Variants in CSMD1 observed in about 807,000 individuals in gnomAD.
CSMD1 encodes the protein CUB and Sushi multiple domains 1.
CSMD1 carries 213 observed loss-of-function variants against 417.5 expected under a neutral mutation model. That is an observed-to-expected ratio of 0.51 (90% CI 0.46 to 0.57). CSMD1 has a LOEUF of 0.57. CSMD1 is among the 20% of genes least tolerant of loss of function. CSMD1 has a pLI of 0.00. For synonymous variants in CSMD1, 2,862 were observed against 1,736.8 expected, an observed-to-expected ratio of 1.65 and a Z score of -16.11; for missense variants, 6,923 against 4,529.7, an observed-to-expected ratio of 1.53 and a Z score of -15.17.
intron 6 of CSMD1, among the ~76,000 whole-genome samples, chr8:3,752,823 C>A (rs1247708948): frequency 2.0e-5 from 3 of 152,126 alleles, no homozygotes; most frequent in African/African-American, 4.8e-5. Flanking sequence ...TACTTCTCAG[C>A]ACCCTCTGCA....
At chr8:4,046,836 A>T (rs1798172301) in intron 3 of CSMD1, among the ~76,000 whole-genome samples, 1 of 152,144 alleles carries the variant, frequency 6.6e-6, no homozygotes, top group Non-Finnish European at 1.5e-5. Flanking sequence ...CAGGCACTTC[A>T]TGTATTATTT....
intron 4 of CSMD1, among the ~76,000 whole-genome samples, chr8:3,999,186 C>T (rs1399879023): frequency 6.6e-6 from 1 of 151,664 alleles, no homozygotes; most frequent in African/African-American, 2.4e-5. Flanking sequence ...TCCTCAAATA[C>T]TTCCTATCCA....
At chr8:4,778,498 C>T (rs1436672753) in intron 1 of CSMD1, among the ~76,000 whole-genome samples, 2 of 152,178 alleles carry the variant, frequency 1.3e-5, no homozygotes, top group Admixed American at 6.5e-5. Flanking sequence ...AAGCACTTTG[C>T]ACTGTAAGTG....
intron 9 of CSMD1, among the ~76,000 whole-genome samples, chr8:3,575,947 A>G (rs1307646721): frequency 2.0e-5 from 3 of 152,158 alleles, no homozygotes; most frequent in Admixed American, 1.3e-4. Flanking sequence ...AAAGGAGCAG[A>G]AGAAACTAAT....
chr8:4,454,505 T>A (rs142979504), intron 2 of CSMD1, among the ~76,000 whole-genome samples: 1 of 152,250 alleles, frequency 6.6e-6, no homozygotes, highest in Non-Finnish European at 1.5e-5. Context: ...TATACAATCC[T>A]TGGAAGCAAA....
chr8:4,604,412 C>CGCGT (rs1554522700), intron 2 of CSMD1, among the ~76,000 whole-genome samples: 10 of 36,946 alleles, frequency 2.7e-4, no homozygotes, highest in Non-Finnish European at 7.3e-4. Flanking sequence ...TGTGTGTGTG[C>CGCGT]GCGTGCGTAA....
intron 3 of CSMD1, among the ~76,000 whole-genome samples, chr8:4,053,476 C>G (rs1359920288): frequency 6.6e-6 from 1 of 151,722 alleles, no homozygotes; most frequent in Non-Finnish European, 1.5e-5. Context: ...AAGGTTTTGG[C>G]CAACGCAATA....
intron 1 of CSMD1, among the ~76,000 whole-genome samples, chr8:4,731,567 T>G (rs775957326): frequency 6.6e-6 from 1 of 152,204 alleles, no homozygotes; most frequent in African/African-American, 2.4e-5. Context: ...TACATGTTTA[T>G]TGAATATTTT....
chr8:3,233,030 G>T (rs1304329443), intron 26 of CSMD1, among the ~76,000 whole-genome samples: 4 of 151,904 alleles, frequency 2.6e-5, no homozygotes, highest in Admixed American at 2.0e-4. Context: ...ATAGTTGACT[G>T]ATGATTGTTT....
chr8:3,886,739 T>C (rs538159841), intron 5 of CSMD1, among the ~76,000 whole-genome samples: 2 of 152,172 alleles, frequency 1.3e-5, no homozygotes, highest in East Asian at 3.9e-4. Context: ...ATGGCTGTCA[T>C]CAGCCCTATT....
intron 32 of CSMD1, among the ~76,000 whole-genome samples, chr8:3,200,482 G>A (rs1796935421): frequency 6.6e-6 from 1 of 151,964 alleles, no homozygotes; most frequent in Non-Finnish European, 1.5e-5. Context: ...TTGAACCTGG[G>A]AGATGGAGGT....
chr8:3,779,744 G>T (rs553310790), intron 5 of CSMD1, among the ~76,000 whole-genome samples: 1 of 152,174 alleles, frequency 6.6e-6, no homozygotes, highest in African/African-American at 2.4e-5. Flanking sequence ...TTATATTTAA[G>T]TTATTTGAAA....
intron 3 of CSMD1, among the ~76,000 whole-genome samples, chr8:4,122,634 T>A (rs920325888): frequency 6.6e-6 from 1 of 152,126 alleles, no homozygotes; most frequent in Non-Finnish European, 1.5e-5. Context: ...AAGCCTCCAA[T>A]CGCCAAACCA....
At chr8:3,903,996 C>T (rs1807943815) in intron 5 of CSMD1, among the ~76,000 whole-genome samples, 1 of 151,886 alleles carries the variant, frequency 6.6e-6, no homozygotes. Context: ...TGATTAATGT[C>T]CTACCGTCCT....
At chr8:3,676,048 G>A (rs1199229046) in intron 7 of CSMD1, among the ~76,000 whole-genome samples, 4 of 152,156 alleles carry the variant, frequency 2.6e-5, no homozygotes, top group African/African-American at 9.7e-5. Flanking sequence ...TATAGGCATA[G>A]GAAGTCATCA....
At chr8:4,246,353 A>C (rs1419849531) in intron 3 of CSMD1, among the ~76,000 whole-genome samples, 1 of 152,170 alleles carries the variant, frequency 6.6e-6, no homozygotes, top group African/African-American at 2.4e-5. Context: ...GGACACGGTC[A>C]GTCCTTAGAA....
intron 2 of CSMD1, among the ~76,000 whole-genome samples, chr8:4,611,314 T>C (rs1264806742): frequency 6.6e-6 from 1 of 152,202 alleles, no homozygotes; most frequent in Non-Finnish European, 1.5e-5. Context: ...GTTTGTATTA[T>C]TCCCTCTTTG....
At chr8:3,297,506 A>G (rs1804054504) in intron 25 of CSMD1, among the ~76,000 whole-genome samples, 3 of 152,208 alleles carry the variant, frequency 2.0e-5, no homozygotes, top group Admixed American at 2.0e-4. Flanking sequence ...TTGGAAACAG[A>G]TCTGCATAGA....
intron 36 of CSMD1, among the ~76,000 whole-genome samples, chr8:3,187,374 C>T (rs549496839): frequency 3.3e-5 from 5 of 152,068 alleles, no homozygotes; most frequent in African/African-American, 7.2e-5. Flanking sequence ...CGGGTGCATT[C>T]GTGAGAGTCG....
Sources: allele counts gnomAD v4.1 joint callset (sites outside exome capture counted in the v4.1 genomes callset), GRCh38; gene constraint gnomAD v4.1.1; transcripts MANE v1.5; gene names NCBI Gene and HGNC (gene_info 2026-07-23, HGNC 2026-07-21).